The following ARHGAP26 variants were observed in gnomAD, a reference collection of about 807,000 sequenced individuals.
The protein encoded by ARHGAP26 is rho GTPase-activating protein 26.
In ARHGAP26, 38 loss-of-function variants were observed where a neutral mutation model predicts 104.8. The observed-to-expected ratio is 0.36, with a 90% confidence interval of 0.28 to 0.48. The LOEUF is 0.48. ARHGAP26 is among the 20% of genes least tolerant of loss of function. ARHGAP26 has a pLI of 0.99. For synonymous variants in ARHGAP26, 341 were observed against 340.0 expected (o/e 1.00, Z -0.03); for missense variants, 704 against 947.9 (o/e 0.74, Z 3.38).
intron 11 of ARHGAP26, among the ~76,000 whole-genome samples, chr5:142,991,669 A>G (rs1007974304): frequency 4.6e-5 from 7 of 152,154 alleles, no homozygotes; most frequent in Admixed American, 4.6e-4. Flanking sequence ...CAGAAATACT[A>G]TTGTGTGTCA....
chr5:143,086,581 GT>G (rs1790618746), intron 17 of ARHGAP26, among the ~76,000 whole-genome samples: 1 of 152,200 alleles, frequency 6.6e-6, no homozygotes, highest in East Asian at 1.9e-4. Context: ...CTAATCCTGG[GT>G]TCCTTTCACC....
chr5:143,195,632 A>G (rs1435475763), intron 20 of ARHGAP26, among the ~76,000 whole-genome samples: 1 of 152,212 alleles, frequency 6.6e-6, no homozygotes, highest in Non-Finnish European at 1.5e-5. Flanking sequence ...AAAGTCTCTA[A>G]AAGAGTCAAC....
chr5:143,161,524 C>T lies in ARHGAP26; in HGVS notation c.1988+14143C>T, dbSNP rs79899354. Among the ~76,000 whole-genome samples the T allele has an allele frequency of 7.1e-3, 1,080 of 152,246 alleles. 16 individuals carry two copies. Among genetic ancestry groups the T allele is most frequent in the African/African-American group, 0.025 (1,029 of 41,526 alleles). Reference sequence around the variant, plus strand: ...TCTACCCAATTTCCTTTGAAAGCTCCATTTTAAAGCAGAATATATAATGGA... The same window carrying T: ...TCTACCCAATTTCCTTTGAAAGCTCTATTTTAAAGCAGAATATATAATGGA... On this transcript the variant is annotated intron_variant, in intron 20 of 22. Coordinates refer to ENST00000645722, the MANE Select transcript of ARHGAP26 (RefSeq NM_001135608.3).
intron 20 of ARHGAP26, among the ~76,000 whole-genome samples, chr5:143,150,065 G>C (rs534434388): frequency 3.7e-4 from 57 of 152,094 alleles, no homozygotes; most frequent in Non-Finnish European, 7.8e-4. Flanking sequence ...GCTAAATCAG[G>C]CATCAAAATT....
intron 1 of ARHGAP26, among the ~76,000 whole-genome samples, chr5:142,793,892 G>T (rs1760401106): frequency 6.6e-6 from 1 of 152,114 alleles, no homozygotes; most frequent in African/African-American, 2.4e-5. Context: ...AGCCTCAGTT[G>T]GTTTTAATAA....
chr5:143,083,895 G>T (rs796124171), intron 17 of ARHGAP26, among the ~76,000 whole-genome samples: 33 of 152,298 alleles, frequency 2.2e-4, no homozygotes, highest in African/African-American at 7.2e-4. Context: ...TACTTCATTT[G>T]CAAAGGTTGA....
chr5:142,815,927 T>G (rs2152048681), intron 1 of ARHGAP26, among the ~76,000 whole-genome samples: 1 of 152,002 alleles, frequency 6.6e-6, no homozygotes, highest in Non-Finnish European at 1.5e-5. Flanking sequence ...CCTGAGTAGC[T>G]GGGACCACAG....
chr5:142,809,208 A>T (rs181108113), intron 1 of ARHGAP26, among the ~76,000 whole-genome samples: 1 of 152,354 alleles, frequency 6.6e-6, no homozygotes, highest in African/African-American at 2.4e-5. Context: ...TGTGTGTTTT[A>T]TCAGTCTTAG....
rs563686123 is a variant in ARHGAP26 at position 142,790,887 on chromosome 5, A to T, written c.154+19972A>T. ...TGTCCCATCCTTCCCCTTCTATCTC[A>T]TTACCCCGTTTAGTAGTCTTTATGG... On this transcript the variant is annotated intron_variant, in intron 1 of 22. Coordinates refer to ENST00000645722, the MANE Select transcript of ARHGAP26 (RefSeq NM_001135608.3). 3.3e-5 allele frequency among the ~76,000 whole-genome samples: 5 copies of T among 151,792 alleles called. No individual in the cohort carries two copies. The South Asian group carries it at 1.0e-3, about 32-fold the overall frequency.
At chr5:142,800,642 G>T (rs992676895) in intron 1 of ARHGAP26, among the ~76,000 whole-genome samples, 2 of 152,172 alleles carry the variant, frequency 1.3e-5, no homozygotes, top group African/African-American at 4.8e-5. Flanking sequence ...GATTACAGGC[G>T]TGAGCCACTG....
intron 17 of ARHGAP26, among the ~76,000 whole-genome samples, chr5:143,104,425 C>T (rs1474487306): frequency 2.0e-5 from 3 of 152,060 alleles, no homozygotes; most frequent in African/African-American, 4.8e-5. Context: ...GCAGGAGAAT[C>T]GCTTGAGCCT....
chr5:143,220,368 A>G (rs1043520908), intron 22 of ARHGAP26, among the ~76,000 whole-genome samples: 1 of 152,212 alleles, frequency 6.6e-6, no homozygotes, highest in Admixed American at 6.5e-5. Flanking sequence ...AGGGTCTCCT[A>G]CTGACTAGCC....
intron 20 of ARHGAP26, among the ~76,000 whole-genome samples, chr5:143,183,534 C>G (rs1269845935): frequency 1.3e-5 from 2 of 152,292 alleles, no homozygotes; most frequent in African/African-American, 2.4e-5. Flanking sequence ...TGAACAGTTG[C>G]AAAACTCACC....
chr5:143,140,409 A>G (rs1161465455), intron 19 of ARHGAP26, among the ~76,000 whole-genome samples: 1 of 152,074 alleles, frequency 6.6e-6, no homozygotes, highest in African/African-American at 2.4e-5. Context: ...CTGAGCCTCC[A>G]TTTTCTCATC....
At chr5:142,995,649 A>G (rs1481152391) in intron 11 of ARHGAP26, among the ~76,000 whole-genome samples, 2 of 152,240 alleles carry the variant, frequency 1.3e-5, no homozygotes, top group Non-Finnish European at 2.9e-5. Flanking sequence ...TGACCCAGCA[A>G]TCCCATTACT....
intron 11 of ARHGAP26, among the ~76,000 whole-genome samples, chr5:142,968,241 C>T (rs1324485348): frequency 6.6e-6 from 1 of 152,170 alleles, no homozygotes; most frequent in Non-Finnish European, 1.5e-5. Context: ...CCTAAATTCA[C>T]ACAGCTAATA....
chr5:143,114,327 G>A (rs1030262873), intron 17 of ARHGAP26, among the ~76,000 whole-genome samples: 1 of 152,154 alleles, frequency 6.6e-6, no homozygotes, highest in Non-Finnish European at 1.5e-5. Context: ...CCTCCTCAGC[G>A]CTGTTTGGAG....
At chr5:143,146,510 C>T (rs1410703055) in intron 19 of ARHGAP26, among the ~76,000 whole-genome samples, 1 of 152,234 alleles carries the variant, frequency 6.6e-6, no homozygotes, top group Admixed American at 6.5e-5. Flanking sequence ...GGTTTTCTGT[C>T]TCTTGGCTTG....
Position 143,228,497 on chromosome 5 carries a change from C to T in ARHGAP26, c.*6051C>T, listed in dbSNP as rs1811831774. The T allele has an allele frequency of 4.5e-6, 1 of 220,142 alleles. No homozygotes were observed. The highest frequency in any genetic ancestry group is 9.1e-6 in the Non-Finnish European group (1 of 109,630). The allele number at this position is 220,142 out of a possible 1,614,324, so 13.6% of individuals were successfully genotyped here. ...CATTTTTTGTTAACTTACTTAAAGT[C>T]ATGTCGCAAGAAAGATCAAACCCAT... is the stretch of plus-strand genomic sequence containing the variant. On this transcript the variant is annotated 3_prime_UTR_variant, in exon 23 of 23. Coordinates refer to ENST00000645722, the MANE Select transcript of ARHGAP26 (RefSeq NM_001135608.3).
Sources: allele counts gnomAD v4.1 joint callset (sites outside exome capture counted in the v4.1 genomes callset), GRCh38; gene constraint gnomAD v4.1.1; transcripts MANE v1.5; gene names NCBI Gene and HGNC (gene_info 2026-07-23, HGNC 2026-07-21).